TTC3: variants seen among roughly 807,000 people sequenced by gnomAD.
TTC3 encodes E3 ubiquitin-protein ligase TTC3.
A neutral mutation model predicts 249.6 loss-of-function variants in TTC3; 180 were observed. That is an observed-to-expected ratio of 0.72 (90% confidence interval 0.64 to 0.82). The LOEUF (loss-of-function observed/expected upper bound fraction) is 0.82, where lower values mean the gene tolerates loss of function less well. TTC3 is among the 40% of genes least tolerant of loss of function. The pLI is 0.00. For missense variants in TTC3, 2,061 were observed against 2,398.4 expected, an observed-to-expected ratio of 0.86 and a Z score of 2.94; for synonymous variants, 717 against 805.0, an observed-to-expected ratio of 0.89 and a Z score of 1.85.
intron 39 of TTC3, 24 bp from the exon 40 acceptor site, chr21:37,191,310 C>T (rs1347246062): frequency 2.6e-6 from 4 of 1,515,896 alleles, no homozygotes; most frequent in Non-Finnish European, 3.6e-6. Flanking sequence ...ATTTCTAAAG[C>T]AGTTTTATAT....
chr21:37,121,734 T>C, intron 11 of TTC3, 83 bp from the exon 12 acceptor site: 1 of 1,330,698 alleles, frequency 7.5e-7, no homozygotes, highest in Non-Finnish European at 1.0e-6. Flanking sequence ...GAATCAGTTT[T>C]CAAGCAAAAC....
chr21:37,109,373 C>T (rs1365553452), intron 11 of TTC3, among the ~76,000 whole-genome samples: 1 of 152,214 alleles, frequency 6.6e-6, no homozygotes, highest in Admixed American at 6.5e-5. Flanking sequence ...TAATACTGCG[C>T]TTTTCCAATG....
At chr21:37,151,338 G>A (rs1223248118) in intron 25 of TTC3, among the ~76,000 whole-genome samples, 2 of 151,908 alleles carry the variant, frequency 1.3e-5, no homozygotes. Context: ...ATAGCTTTTT[G>A]TTTAGATCAA....
intron 17 of TTC3, among the ~76,000 whole-genome samples, chr21:37,133,339 T>G (rs905454711): frequency 2.6e-5 from 4 of 152,038 alleles, no homozygotes; most frequent in African/African-American, 9.7e-5. Context: ...TTTCAAAACA[T>G]GTGGATCTTT....
chr21:37,077,513 G>A (rs2071063913), intron 1 of TTC3, among the ~76,000 whole-genome samples: 3 of 152,168 alleles, frequency 2.0e-5, no homozygotes, highest in Admixed American at 1.3e-4. Context: ...GTATCAGTTT[G>A]TACTTTGGCC....
intron 12 of TTC3, 127 bp downstream of exon 12, chr21:37,122,106 A>G: frequency 1.2e-6 from 1 of 862,248 alleles, no homozygotes; most frequent in Non-Finnish European, 1.7e-6. Flanking sequence ...TTATCATGTT[A>G]TCTTGGTCAT....
chr21:37,081,380 TGCTG>T (rs1156606152), intron 1 of TTC3, among the ~76,000 whole-genome samples: 98 of 152,268 alleles, frequency 6.4e-4, no homozygotes, highest in Non-Finnish European at 8.2e-4. Flanking sequence ...CCTCCCAAAG[TGCTG>T]GGATTACAGG....
At chr21:37,185,730 G>A (rs2083190963) in exon 37 of TTC3, 11 of 1,551,708 alleles carry the variant, frequency 7.1e-6, no homozygotes, top group Non-Finnish European at 8.7e-6. Context: ...ATGATGGAAA[G>A]GAAAAGGAAC....
chr21:37,186,167 AT>A (rs1204834010), intron 37 of TTC3: 2 of 153,826 alleles, frequency 1.3e-5, no homozygotes, highest in Non-Finnish European at 2.9e-5. Context: ...GGTTCATTAA[AT>A]TTTTACTATG....
At chr21:37,200,028 A>G (rs1477522979) in intron 44 of TTC3, among the ~76,000 whole-genome samples, 3 of 152,220 alleles carry the variant, frequency 2.0e-5, no homozygotes, top group African/African-American at 7.2e-5. Context: ...TTAGAACTTT[A>G]TACTTTTCTT....
chr21:37,093,623 A>G (rs557558819), intron 7 of TTC3, among the ~76,000 whole-genome samples: 1 of 152,282 alleles, frequency 6.6e-6, no homozygotes, highest in East Asian at 1.9e-4. Flanking sequence ...ATGGTACACC[A>G]TACATGCTTG....
chr21:37,117,695 T>C (rs867257978), intron 11 of TTC3, among the ~76,000 whole-genome samples: 27 of 152,056 alleles, frequency 1.8e-4, no homozygotes, highest in African/African-American at 6.5e-4. Context: ...CTGAGCAACA[T>C]GGCAAAACCA....
At position 37,161,829 on chromosome 21, in the gene TTC3, T is replaced by C. The variant is rs569119729; in HGVS notation, c.3097-161T>C. On this transcript the variant is annotated intron_variant, in intron 30 of 45. Transcript: ENST00000355666. Reference sequence around the variant, plus strand: ...AGCTTATTTTTGGCTGTTGAAACTTTTATTACTATGTGTTCCTGTTTATAA... The same window carrying C: ...AGCTTATTTTTGGCTGTTGAAACTTCTATTACTATGTGTTCCTGTTTATAA... Among the ~76,000 whole-genome samples the C allele has an allele frequency of 1.3e-3, 198 of 152,346 alleles. 2 individuals are homozygous for C. The highest frequency in any genetic ancestry group is 4.3e-3 in the African/African-American group (178 of 41,582).
intron 1 of TTC3, chr21:37,082,927 T>C: frequency 1.0e-6 from 1 of 981,302 alleles, no homozygotes; most frequent in Non-Finnish European, 1.2e-6. Flanking sequence ...AGTTTACATC[T>C]AAGTTAAGAT....
At chr21:37,158,008 C>A (rs1437087626) in intron 28 of TTC3, 1 of 427,990 alleles carries the variant, frequency 2.3e-6, no homozygotes, top group Non-Finnish European at 3.1e-6. Context: ...AAAGGTCTGG[C>A]CTTGTACGAT....
rs540669921 is a variant in TTC3, at chr21:37,099,686, C to T, written c.845+3043C>T. Among the ~76,000 whole-genome samples the T allele has an allele frequency of 6.6e-5, 10 of 152,136 alleles. No individual in the cohort carries two copies. In the South Asian group the frequency reaches 1.9e-3, roughly 28 times the overall value. Reference sequence around the variant, plus strand: ...TTGAGAGGATGTGGAACAAAGGAGACTCTCATATTCAGCTGGAGAAAGTGT... The same window carrying T: ...TTGAGAGGATGTGGAACAAAGGAGATTCTCATATTCAGCTGGAGAAAGTGT... On this transcript the variant is annotated intron_variant, in intron 10 of 45. Transcript: ENST00000355666.
chr21:37,132,770 A>G lies in TTC3; in HGVS notation c.1443+4A>G, dbSNP rs767672785. The G allele has an allele frequency of 6.3e-7, 1 of 1,591,148 alleles. No individual in the cohort carries two copies. Among genetic ancestry groups the G allele is most frequent in the Non-Finnish European group, 8.5e-7 (1 of 1,171,340 alleles). On this transcript the variant is annotated splice_donor_region_variant and intron_variant, in intron 17 of 45. Transcript: ENST00000355666. ...ATCTTCCAGAGCTGCACACCAGGTA[A>G]TGGAGAAGCTTTTCCAATGGAAAAA...
intron 8 of TTC3, 54 bp downstream of exon 8, chr21:37,094,144 A>G (rs1302257952): frequency 1.9e-6 from 2 of 1,065,262 alleles, no homozygotes; most frequent in African/African-American, 1.6e-5. Context: ...GAACTTTTTA[A>G]CACTCAGAGG....
chr21:37,138,636 A>G lies in TTC3; in HGVS notation c.1581A>G (p.Gln527=), dbSNP rs148181124. ...AACTGAGGCATTTTTATTGACAGCA[A>G]TTGAACCTGGCCATGATTAACTATG... is the stretch of plus-strand genomic sequence containing the variant. Residue 527 remains glutamine, a splice_region_variant and synonymous_variant, in exon 19 of 46, where the codon CAA becomes CAG. Transcript: ENST00000355666. The G allele has an allele frequency of 1.0e-4, 169 of 1,611,098 alleles. No individual in the cohort carries two copies. The African/African-American group carries it at 1.9e-3, about 18-fold the overall frequency.
Sources: allele counts gnomAD v4.1 joint callset (sites outside exome capture counted in the v4.1 genomes callset), GRCh38; gene constraint gnomAD v4.1.1; transcripts MANE v1.5; gene names NCBI Gene and HGNC (gene_info 2026-07-23, HGNC 2026-07-21).